The following THAP3 variants were observed in gnomAD, a reference collection of about 807,000 sequenced individuals.
The protein encoded by THAP3 is THAP domain-containing protein 3.
THAP3 carries 12 observed loss-of-function variants against 17.7 expected under a neutral mutation model. That is an observed-to-expected ratio of 0.68 (90% CI 0.43 to 1.10). THAP3 has a LOEUF of 1.10. Among genes scored for constraint, THAP3 ranks in the 50% least tolerant of loss-of-function variants. The pLI is 0.00. For missense variants in THAP3, 289 were observed against 318.0 expected, an observed-to-expected ratio of 0.91 and a Z score of 0.69; for synonymous variants, 133 against 126.9, an observed-to-expected ratio of 1.05 and a Z score of -0.32.
At chr1:6,625,938 T>C (rs1223429295) in intron 2 of THAP3, among the ~76,000 whole-genome samples, 3 of 152,186 alleles carry the variant, frequency 2.0e-5, no homozygotes, top group African/African-American at 7.2e-5. Context: ...GAAGTATACG[T>C]AATGTACATG....
chr1:6,634,456 G>C, downstream of THAP3: 1 of 1,298,908 alleles, frequency 7.7e-7, no homozygotes, highest in Non-Finnish European at 1.0e-6. Context: ...GGGGAGGGAG[G>C]CCTGACTTCA....
downstream of THAP3, chr1:6,634,079 TGAG>T (rs774538944): frequency 1.1e-5 from 18 of 1,613,598 alleles, no homozygotes; most frequent in Middle Eastern, 1.7e-4. Context: ...TGTGGTTGAG[TGAG>T]GAGTGAAGGA....
intron 2 of THAP3, 48 bp from the exon 3 acceptor site, chr1:6,628,451 G>T (rs370886179): frequency 6.6e-7 from 1 of 1,520,466 alleles, no homozygotes; most frequent in Admixed American, 2.0e-5. Context: ...ACTCTGAGGC[G>T]CTGGGTCCAG....
intron 4 of THAP3, 87 bp downstream of exon 4, chr1:6,630,440 C>A: frequency 7.2e-7 from 1 of 1,393,280 alleles, no homozygotes; most frequent in Non-Finnish European, 1.0e-6. Flanking sequence ...AAGGCCGGCC[C>A]GCAGGGCTGT....
At position 6,628,496 on chromosome 1, in the gene THAP3, T is replaced by C. The variant is rs200040385; in HGVS notation, c.75-3T>C. On this transcript the variant is annotated splice_region_variant and splice_polypyrimidine_tract_variant and intron_variant, in intron 2 of 5. Coordinates refer to ENST00000054650, the MANE Select transcript of THAP3 (RefSeq NM_001195753.2). ...GCCTCACACCCCGTGCCTCTGCCCT[T>C]AGGTTTCCGTTCAGCCGCCCGGAGC... 1,910 of 1,608,992 alleles carry C rather than the reference T, an allele frequency of 1.2e-3. 2 individuals are homozygous for C. Among genetic ancestry groups the C allele is most frequent in the Non-Finnish European group, 1.5e-3 (1,745 of 1,177,884 alleles).
chr1:6,630,609 C>CT (rs1641583510), intron 4 of THAP3, among the ~76,000 whole-genome samples: 3 of 152,136 alleles, frequency 2.0e-5, no homozygotes, highest in East Asian at 1.9e-4. Context: ...GAGTCTCGCT[C>CT]TGTCACCCAG....
chr1:6,630,647 G>A (rs1358559602), intron 4 of THAP3, among the ~76,000 whole-genome samples: 4 of 151,960 alleles, frequency 2.6e-5, no homozygotes, highest in Admixed American at 1.3e-4. Flanking sequence ...TGATCTCGGC[G>A]CACTGCAACC....
Position 6,633,270 on chromosome 1 carries a change from G to T in THAP3, c.*193G>T, listed in dbSNP as rs934951617. 2 of 1,434,148 alleles carry T rather than the reference G, an allele frequency of 1.4e-6. No individual in the cohort carries two copies. The highest frequency in any genetic ancestry group is 1.5e-5 in the South Asian group (1 of 66,096). The allele number at this position is 1,434,148 out of a possible 1,614,324, so 88.8% of individuals were successfully genotyped here. A position where few individuals can be genotyped will look rare whatever the true frequency, so the allele number is the denominator to read the frequency against. On this transcript the variant is annotated 3_prime_UTR_variant, in exon 6 of 6. Coordinates refer to ENST00000054650, the MANE Select transcript of THAP3 (RefSeq NM_001195753.2). ...TGCCGTCTGGGGGACGTTTAGAGGCGTGGCACTAGGAGTGCACATCTGTGA... is the reference window on the plus strand; with the variant it reads ...TGCCGTCTGGGGGACGTTTAGAGGCTTGGCACTAGGAGTGCACATCTGTGA...
At chr1:6,634,974 G>A (rs183970872), downstream of THAP3, 86 of 869,176 alleles carry the variant, frequency 9.9e-5, no homozygotes, top group East Asian at 1.9e-3. Context: ...TTTTCCCACC[G>A]GGATACGGGA....
intron 4 of THAP3, among the ~76,000 whole-genome samples, 181 bp from the exon 5 acceptor site, chr1:6,632,210 T>C (rs1489857341): frequency 1.1e-5 from 1 of 93,758 alleles, no homozygotes; most frequent in African/African-American, 4.2e-5. Context: ...AGCGAGACTG[T>C]CTCAAAAAAA....
chr1:6,634,958 A>G (rs1641732906), downstream of THAP3: 4 of 1,023,280 alleles, frequency 3.9e-6, no homozygotes, highest in Admixed American at 3.7e-5. Context: ...CGCTGGTGGC[A>G]GGGCGTTTTC....
In THAP3 at chr1:6,625,224, G is replaced by T; in HGVS notation, c.6G>T (p.Pro2=). The change falls in exon 2 of 6, where the codon CCG becomes CCT. Residue 2 remains proline, a synonymous_variant. Coordinates refer to ENST00000054650, the MANE Select transcript of THAP3 (RefSeq NM_001195753.2). The part of the protein sequence containing the change: M[P]KSCAARQCCN... ...GCAGCCAGGCCTGGCTCGAGATGCC[G>T]AAGTCGTGCGCGGCCCGGCAGTGCT... 3 of 1,542,852 alleles carry T rather than the reference G, an allele frequency of 1.9e-6. No individual in the cohort carries two copies. The highest frequency in any genetic ancestry group is 2.6e-6 in the Non-Finnish European group (3 of 1,145,736).
intron 3 of THAP3, among the ~76,000 whole-genome samples, chr1:6,629,073 G>A (rs1277025760): frequency 6.6e-6 from 1 of 152,166 alleles, no homozygotes; most frequent in Non-Finnish European, 1.5e-5. Context: ...GTGTTGGTGG[G>A]CACCTGTAAT....
At chr1:6,631,228 T>C (rs1641605408) in intron 4 of THAP3, among the ~76,000 whole-genome samples, 1 of 150,568 alleles carries the variant, frequency 6.6e-6, no homozygotes, top group Admixed American at 6.6e-5. Context: ...TCTTGCCCAG[T>C]CTGGTCTCAA....
chr1:6,635,285 T>C (rs1641740104), downstream of THAP3: 1 of 187,814 alleles, frequency 5.3e-6, no homozygotes, highest in African/African-American at 2.3e-5. Flanking sequence ...ACTGCAGAAG[T>C]GGCTCACGCT....
Position 6,632,812 on chromosome 1 carries a change from C to T in THAP3, c.455C>T (p.Pro152Leu), listed in dbSNP as rs775380989. 14 of 1,612,816 alleles carry T rather than the reference C, an allele frequency of 8.7e-6. No individual in the cohort carries two copies. The highest frequency in any genetic ancestry group is 1.6e-4 in the Middle Eastern group (1 of 6,084). The change falls in exon 6 of 6, where the codon CCG becomes CTG. Residue 152 changes from proline to leucine, a missense_variant. Physicochemically the swap from Pro to Leu is moderately conservative, Grantham distance 98. Transcript: ENST00000054650. ...TGTCCTCAGGTCTCGCCACGGAGGC[C>T]GCAAGCAACAGAGGCTGTTGGCCGG... ...GHVKQVSPRR[P>L]QATEAVGRPT... is the part of the protein sequence containing the mutation.
chr1:6,633,228 C>T lies in THAP3; in HGVS notation c.*151C>T. 2 of 1,445,452 alleles carry T rather than the reference C, an allele frequency of 1.4e-6. No homozygotes were observed. The highest frequency in any genetic ancestry group is 1.5e-5 in the South Asian group (1 of 67,048). 89.5% of individuals were successfully genotyped at this position (1,445,452 alleles called of 1,614,324 possible). On this transcript the variant is annotated 3_prime_UTR_variant, in exon 6 of 6. Transcript: ENST00000054650. ...GGGGATCGAGACAGTAGCCAAGCTC[C>T]CCGGCGAGAGCCCCAATGCCGTCTG...
Position 6,625,159 on chromosome 1 carries a change from C to T in THAP3, c.-60C>T. The T allele has an allele frequency of 2.6e-6, 4 of 1,511,562 alleles. No individual in the cohort carries two copies. Among genetic ancestry groups the T allele is most frequent in the East Asian group, 2.6e-5 (1 of 39,028 alleles). The allele number at this position is 1,511,562 out of a possible 1,614,324, so 93.6% of individuals were successfully genotyped here. ...CCGCCCCTCCCCGCAGGTCCCTCCC[C>T]TCTCCGCAGGCCCCGCCGCCGCCGC... On this transcript the variant is annotated 5_prime_UTR_variant, in exon 2 of 6. Coordinates refer to ENST00000054650, the MANE Select transcript of THAP3 (RefSeq NM_001195753.2).
downstream of THAP3, chr1:6,635,572 TATAAA>T (rs765653941): frequency 6.6e-6 from 8 of 1,208,584 alleles, no homozygotes; most frequent in East Asian, 5.1e-5. Context: ...ATAATAATAA[TATAAA>T]ATAAAAACAT....
Sources: allele counts gnomAD v4.1 joint callset (sites outside exome capture counted in the v4.1 genomes callset), GRCh38; gene constraint gnomAD v4.1.1; transcripts MANE v1.5; gene names NCBI Gene and HGNC (gene_info 2026-07-23, HGNC 2026-07-21).